The following CAPN5 variants were observed in gnomAD, a reference collection of about 807,000 sequenced individuals.
CAPN5 encodes the protein calpain 5.
In CAPN5, 54 loss-of-function variants were observed where a neutral mutation model predicts 73.0. The observed-to-expected ratio is 0.74, with a 90% confidence interval of 0.59 to 0.93. The LOEUF (loss-of-function observed/expected upper bound fraction) is 0.93, where lower values mean the gene tolerates loss of function less well. CAPN5 is among the 40% of genes least tolerant of loss of function. The pLI is 0.00. For missense variants in CAPN5, 785 were observed against 882.9 expected, an observed-to-expected ratio of 0.89 and a Z score of 1.41; for synonymous variants, 335 against 356.9, an observed-to-expected ratio of 0.94 and a Z score of 0.69.
intron 1 of CAPN5, among the ~76,000 whole-genome samples, chr11:77,078,705 A>G (rs1479005547): frequency 2.0e-5 from 3 of 152,140 alleles, no homozygotes; most frequent in Non-Finnish European, 4.4e-5. Context: ...ACAGATATGT[A>G]TATGTACATA....
chr11:77,093,603 GTGTC>G, intron 2 of CAPN5, 75 bp from the exon 3 acceptor site: 7 of 1,187,084 alleles, frequency 5.9e-6, no homozygotes, highest in Non-Finnish European at 8.1e-6. Flanking sequence ...TGTCACGTCT[GTGTC>G]TGTCATGTCT....
Position 77,084,883 on chromosome 11 carries a change from C to T in CAPN5, c.-4C>T, listed in dbSNP as rs376313464. 6.9e-5 allele frequency: 111 copies of T among 1,613,954 alleles called. No homozygotes were observed. The highest frequency in any genetic ancestry group is 8.6e-5 in the Non-Finnish European group (101 of 1,180,040). ...CCCCTCCCCTCCCTGGGGCAGCAGC[C>T]ACCATGTTCTCGTGTGTGAAGCCCT... On this transcript the variant is annotated 5_prime_UTR_variant, in exon 2 of 13. Coordinates refer to ENST00000648180, the MANE Select transcript of CAPN5 (RefSeq NM_004055.5).
At chr11:77,075,536 G>A (rs573018716) in intron 1 of CAPN5, among the ~76,000 whole-genome samples, 1 of 152,130 alleles carries the variant, frequency 6.6e-6, no homozygotes, top group African/African-American at 2.4e-5. Context: ...TTCCCACTCC[G>A]CCTCCCTTCC....
chr11:77,115,436 C>G lies in CAPN5; in HGVS notation c.741C>G (p.Gly247=). ...ACATGGAGGCCCGCCTGGCGTGCGG[C>G]CTGGTAAAGGGCCACGCATACGCCG... ...AADMEARLAC[G]LVKGHAYAVT... is the part of the protein sequence containing the mutation. The change falls in exon 6 of 13, where the codon GGC becomes GGG. Residue 247 remains glycine (G), a synonymous_variant. Transcript: ENST00000648180. 6.2e-7 allele frequency: 1 copy of G among 1,609,064 alleles called. No individual in the cohort carries two copies. Among genetic ancestry groups the G allele is most frequent in the African/African-American group, 1.3e-5 (1 of 75,004 alleles).
chr11:77,071,682 G>A (rs1949908307), intron 1 of CAPN5: 2 of 449,504 alleles, frequency 4.4e-6, no homozygotes, highest in Admixed American at 2.4e-5. Context: ...TCTGAGGACG[G>A]GTATGTGGAC....
chr11:77,087,962 C>G, intron 2 of CAPN5: 1 of 1,536,078 alleles, frequency 6.5e-7, no homozygotes. Flanking sequence ...ATTCGCTGGC[C>G]CCTCACAGGC....
intron 3 of CAPN5, 119 bp from the exon 4 acceptor site, chr11:77,112,470 A>T (rs1950420884): frequency 1.3e-6 from 1 of 765,812 alleles, no homozygotes; most frequent in Non-Finnish European, 2.2e-6. Context: ...CAGAGTTGGA[A>T]TCCGAACCCA....
intron 1 of CAPN5, among the ~76,000 whole-genome samples, chr11:77,080,501 C>T (rs535576052): frequency 6.6e-6 from 1 of 152,332 alleles, no homozygotes; most frequent in African/African-American, 2.4e-5. Context: ...GCCTCAAGGA[C>T]AAATTCCTTG....
intron 1 of CAPN5, chr11:77,072,969 TG>T (rs1949926008): frequency 1.5e-6 from 1 of 668,452 alleles, no homozygotes; most frequent in East Asian, 6.8e-5. Flanking sequence ...TTCAGTGACC[TG>T]ATCAAGTCCC....
intron 3 of CAPN5, among the ~76,000 whole-genome samples, chr11:77,110,563 G>T (rs1409698408): frequency 6.6e-6 from 1 of 152,222 alleles, no homozygotes; most frequent in Non-Finnish European, 1.5e-5. Context: ...CCTCGCTTGA[G>T]CCTGTGGGCA....
In CAPN5 at chr11:77,122,625, G is replaced by A. The variant is rs144226060; in HGVS notation, c.1653G>A (p.Ser551=). The change falls in exon 12 of 13, where the codon TCG becomes TCA. Residue 551 remains serine (S), a synonymous_variant. Transcript: ENST00000648180. ...IIKCEGDKVR[S]AVQKGTSTPE... is the part of the protein sequence containing the mutation. ...AGTGTGAGGGAGACAAAGTCCGCTC[G>A]GCTGTGCAGAAGGGCACCTCCACAC... 3.3e-3 allele frequency: 5,312 copies of A among 1,612,140 alleles called. 19 individuals carry two copies. The highest frequency in any genetic ancestry group is 3.7e-3 in the Non-Finnish European group (4,305 of 1,179,100).
intron 3 of CAPN5, among the ~76,000 whole-genome samples, chr11:77,112,091 C>T (rs1297166421): frequency 3.3e-5 from 5 of 151,628 alleles, no homozygotes; most frequent in Admixed American, 6.6e-5. Flanking sequence ...TGTCCCTGGG[C>T]GAGGAGATGG....
At chr11:77,109,296 C>G (rs782292796) in intron 3 of CAPN5, among the ~76,000 whole-genome samples, 6 of 152,130 alleles carry the variant, frequency 3.9e-5, no homozygotes, top group Non-Finnish European at 8.8e-5. Context: ...TCTTCCAGTT[C>G]AAGACTTCCC....
intron 2 of CAPN5, among the ~76,000 whole-genome samples, chr11:77,090,972 T>C (rs530260079): frequency 1.8e-4 from 27 of 152,270 alleles, no homozygotes; most frequent in African/African-American, 6.0e-4. Flanking sequence ...CTCACTGGGT[T>C]TCCTAGACCT....
At chr11:77,090,504 T>TA (rs1225425164) in intron 2 of CAPN5, among the ~76,000 whole-genome samples, 3 of 152,164 alleles carry the variant, frequency 2.0e-5, no homozygotes, top group African/African-American at 4.8e-5. Context: ...CCAGCAGACC[T>TA]AGGGCATCCC....
Position 77,115,396 on chromosome 11 carries a change from C to T in CAPN5, c.701C>T (p.Ala234Val), listed in dbSNP as rs1555041524. 3.8e-6 allele frequency: 6 copies of T among 1,598,876 alleles called. No individual in the cohort carries two copies. Among genetic ancestry groups the T allele is most frequent in the African/African-American group, 1.3e-5 (1 of 74,842 alleles). Residue 234 changes from alanine to valine, a missense_variant and splice_region_variant, in exon 6 of 13, where the codon GCA becomes GTA. Transcript: ENST00000648180. ...CTGAGCAACTGTGTCCCTCCACAGGCAGTGACAGCAGCTGACATGGAGGCC... is the reference window on the plus strand; with the variant it reads ...CTGAGCAACTGTGTCCCTCCACAGGTAGTGACAGCAGCTGACATGGAGGCC... Reference protein sequence around the residue: ...RGGLISASIKAVTAADMEARL... With the variant: ...RGGLISASIKVVTAADMEARL...
chr11:77,093,627 G>A, intron 2 of CAPN5, 55 bp from the exon 3 acceptor site: 11 of 1,519,466 alleles, frequency 7.2e-6, no homozygotes, highest in South Asian at 2.4e-5. Context: ...TCCTGCCATG[G>A]GGGGCATCCG....
intron 3 of CAPN5, among the ~76,000 whole-genome samples, chr11:77,110,948 A>G (rs935449017): frequency 6.6e-6 from 1 of 152,104 alleles, no homozygotes; most frequent in Non-Finnish European, 1.5e-5. Context: ...TCTTCTAGAA[A>G]GAGCTGCTTA....
rs114632044 is a variant in CAPN5 at position 77,123,784 on chromosome 11, C to T, written c.1837C>T (p.Arg613Trp). ...CCAGGCCCTGCATACCCTCCACCTC[C>T]GGGACCGAAATAGCCGGCAGCCCAG... ...NLQALHTLHL[R>W]DRNSRQPSNL... The change falls in exon 13 of 13, where the codon CGG becomes TGG. Residue 613 changes from arginine (R) to tryptophan (W), a missense_variant. Physicochemically the swap from Arg to Trp is moderately radical, Grantham distance 101 (BLOSUM62 -3). Coordinates refer to ENST00000648180, the MANE Select transcript of CAPN5 (RefSeq NM_004055.5). 276 of 1,613,990 alleles carry T rather than the reference C, an allele frequency of 1.7e-4. 1 individual carries two copies. The African/African-American group carries it at 2.6e-3, about 15-fold the overall frequency.
Sources: gnomAD v4.1 joint callset for allele counts (sites outside exome capture counted in the v4.1 genomes callset) on GRCh38, gnomAD v4.1.1 for gene constraint, MANE v1.5 for transcripts, NCBI Gene and HGNC (gene_info 2026-07-23, HGNC 2026-07-21) for gene names.